HYAL1: variants seen among roughly 807,000 people sequenced by gnomAD.
HYAL1 encodes hyaluronidase 1, also known as hyaluronidase-1.
In HYAL1, 21 loss-of-function variants were observed where a neutral mutation model predicts 28.8. That is an observed-to-expected ratio of 0.73 (90% CI 0.52 to 1.05). The LOEUF is 1.05. Ranked by LOEUF, HYAL1 falls within the 50% of genes least tolerant of loss-of-function variation. HYAL1 has a pLI of 0.00. For synonymous variants in HYAL1, 200 were observed against 230.1 expected, an observed-to-expected ratio of 0.87 and a Z score of 1.18; for missense variants, 491 against 579.2, an observed-to-expected ratio of 0.85 and a Z score of 1.56.
upstream of HYAL1, among the ~76,000 whole-genome samples, chr3:50,305,190 C>T (rs79145265): frequency 0.053 from 8,141 of 152,204 alleles, 1,544 homozygotes; most frequent in East Asian, 0.6. Flanking sequence ...AGTGGGGGGC[C>T]GTGCTTTGAG....
exon 1 of HYAL1, chr3:50,312,353 G>T (rs1158904120): frequency 5.8e-6 from 1 of 173,132 alleles, no homozygotes; most frequent in African/African-American, 2.4e-5. Context: ...CCCGGACGGG[G>T]CGACAGGGCA....
At chr3:50,307,185 C>T (rs1268188113), upstream of HYAL1, among the ~76,000 whole-genome samples, 2 of 149,132 alleles carry the variant, frequency 1.3e-5, no homozygotes, top group African/African-American at 2.5e-5. Flanking sequence ...GCCAACATGG[C>T]GAAACCCTGT....
At chr3:50,304,917 G>A (rs1389034980), upstream of HYAL1, among the ~76,000 whole-genome samples, 3 of 152,222 alleles carry the variant, frequency 2.0e-5, no homozygotes, top group African/African-American at 7.2e-5. Context: ...GTGTGACCAT[G>A]CATATGAGCT....
rs587657549 is a variant in HYAL1, at chr3:50,310,294, C to T, written c.-309-517G>A. ...TTTTTTTTTTTTTTGAGACAGAGTC[C>T]CGCTCTGTCACTCAGGCTGGAGTGC... On this transcript the variant is annotated intron_variant, in intron 1 of 5. Coordinates refer to the HYAL1 transcript ENST00000320295. Among the ~76,000 whole-genome samples the T allele has an allele frequency of 5.7e-3, 838 of 145,946 alleles. 33 individuals are homozygous for T. Among genetic ancestry groups the T allele is most frequent in the African/African-American group, 0.021 (791 of 38,050 alleles).
intron 1 of HYAL1, among the ~76,000 whole-genome samples, chr3:50,311,387 C>T (rs868908648): frequency 2.9e-5 from 4 of 135,762 alleles, no homozygotes; most frequent in South Asian, 2.4e-4. Flanking sequence ...CCAGTAGGGG[C>T]GGCCGGGCAG....
chr3:50,302,620 T>G lies in HYAL1; in HGVS notation c.337A>C (p.Ile113Leu). The change falls in exon 2 of 4, where the codon ATC (isoleucine) becomes CTC (leucine). Residue 113 changes from isoleucine to leucine, a missense_variant. Ile to Leu is a conservative substitution (Grantham distance 5). Transcript: ENST00000395144. The surrounding 1 kb of genome is among the most constrained non-coding windows in gnomAD (Gnocchi z 5.0). ...IAHLARTFQD[I>L]LAAIPAPDFS... ...TCAGGAGCAGGTATGGCAGCCAGGA[T>G]GTCCTGGAATGTGCGGGCCAGGTGG... 2 of 1,614,150 alleles carry G rather than the reference T, an allele frequency of 1.2e-6. No homozygotes were observed. Among genetic ancestry groups the G allele is most frequent in the South Asian group, 2.2e-5 (2 of 91,088 alleles).
Position 50,302,642 on chromosome 3 carries a change from G to C in HYAL1, c.315C>G (p.His105Gln), listed in dbSNP as rs368883708. ...GGATGTCCTGGAATGTGCGGGCCAG[G>C]TGGGCAATCAGGCTGGCATTCTGGG... ...GLPQNASLIA[H>Q]LARTFQDILA... Residue 105 changes from histidine to glutamine, a missense_variant, in exon 2 of 4, where the codon CAC becomes CAG. Coordinates refer to ENST00000395144, the MANE Select transcript of HYAL1 (RefSeq NM_033159.4). The surrounding 1 kb of genome is among the most constrained non-coding windows in gnomAD (Gnocchi z 5.0). 2.0e-5 allele frequency: 33 copies of C among 1,614,074 alleles called. No homozygotes were observed. The highest frequency in any genetic ancestry group is 2.0e-4 in the Admixed American group (12 of 60,014).
chr3:50,302,029 C>T lies in HYAL1; in HGVS notation c.900+28G>A. The T allele has an allele frequency of 6.2e-7, 1 of 1,612,716 alleles. No individual in the cohort carries two copies. The highest frequency in any genetic ancestry group is 1.3e-5 in the African/African-American group (1 of 74,950). On this transcript the variant is annotated intron_variant, in intron 2 of 3. Coordinates refer to ENST00000395144, the MANE Select transcript of HYAL1 (RefSeq NM_033159.4). This position sits in a 1 kb window ranked among gnomAD's most constrained non-coding sequence, Gnocchi z 5.0. Reference sequence around the variant, plus strand: ...CCTAATATCTGACAAGGCAGGTTGACAAGGTGGGCAGGTTACAGAAGACTC... The same window carrying T: ...CCTAATATCTGACAAGGCAGGTTGATAAGGTGGGCAGGTTACAGAAGACTC...
Position 50,310,501 on chromosome 3 carries a change from C to G in HYAL1, c.-309-724G>C, listed in dbSNP as rs188143858. ...CAGAATGGTCTCGATCTCCTGACCTCGTGATCTGCCCGCCTCGGCCTCCCA... is the reference window on the plus strand; with the variant it reads ...CAGAATGGTCTCGATCTCCTGACCTGGTGATCTGCCCGCCTCGGCCTCCCA... On this transcript the variant is annotated intron_variant, in intron 1 of 5. Coordinates refer to the HYAL1 transcript ENST00000320295. 1.4e-5 allele frequency among the ~76,000 whole-genome samples: 2 copies of G among 145,596 alleles called. 1 individual carries two copies. Among genetic ancestry groups the G allele is most frequent in the African/African-American group, 5.6e-5 (2 of 35,600 alleles).
At chr3:50,304,463 T>C (rs1266419045), upstream of HYAL1, among the ~76,000 whole-genome samples, 1 of 149,472 alleles carries the variant, frequency 6.7e-6, no homozygotes, top group Non-Finnish European at 1.5e-5. Flanking sequence ...TAGCTGGGCA[T>C]GGTGGTATGT....
upstream of HYAL1, among the ~76,000 whole-genome samples, chr3:50,307,584 G>A (rs1247762861): frequency 1.1e-4 from 15 of 139,734 alleles, no homozygotes; most frequent in African/African-American, 1.7e-4. Context: ...GGGAGGCTGA[G>A]GCAGGAGAAT....
Position 50,302,413 on chromosome 3 carries a change from A to C in HYAL1, c.544T>G (p.Trp182Gly), listed in dbSNP as rs1288013429. ...CCCAGCTGGAGGGTGCCTGCCATCC[A>C]GGCCCGTGCAGCTCCCTGGAACTGG... ...QDQFQGAARA[W>G]MAGTLQLGRA... The change falls in exon 2 of 4, where the codon TGG becomes GGG. Residue 182 changes from tryptophan to glycine, a missense_variant. Transcript: ENST00000395144. The surrounding 1 kb of genome is among the most constrained non-coding windows in gnomAD (Gnocchi z 5.0). 8 of 1,613,776 alleles carry C rather than the reference A, an allele frequency of 5.0e-6. No homozygotes were observed. Among genetic ancestry groups the C allele is most frequent in the Non-Finnish European group, 6.8e-6 (8 of 1,179,928 alleles).
At chr3:50,307,174 G>A (rs1430800367), upstream of HYAL1, among the ~76,000 whole-genome samples, 6 of 150,332 alleles carry the variant, frequency 4.0e-5, no homozygotes, top group African/African-American at 1.5e-4. Context: ...AAACCAACCT[G>A]GCCAACATGG....
chr3:50,303,041 G>GCCCCCCAGCCCTGAGCA, intron 1 of HYAL1, 61 bp from the exon 2 acceptor site: 1 of 1,284,348 alleles, frequency 7.8e-7, no homozygotes, highest in Non-Finnish European at 1.1e-6. Flanking sequence ...CCACTGCTCA[G>GCCCCCCAGCCCTGAGCA]GGCTGGGGGG....
intron 1 of HYAL1, 160 bp from the exon 2 acceptor site, chr3:50,303,140 A>AG: frequency 1.7e-6 from 1 of 600,794 alleles, no homozygotes. Context: ...AGACGCATGG[A>AG]GGGGAGCATG....
In HYAL1 at chr3:50,300,163, T is replaced by C. The variant is rs1163351602; in HGVS notation, c.*320A>G. The C allele has an allele frequency of 4.9e-6, 2 of 412,208 alleles. No homozygotes were observed. Among genetic ancestry groups the C allele is most frequent in the African/African-American group, 4.0e-5 (2 of 49,578 alleles). 25.5% of individuals were successfully genotyped at this position (412,208 alleles called of 1,614,324 possible). On this transcript the variant is annotated 3_prime_UTR_variant, in exon 4 of 4. Transcript: ENST00000395144. ...GCTTAGCACGGGGATTGGCAAAGAG[T>C]AGGCACTCAGTGAATGTCAGCCTTT... is the stretch of plus-strand genomic sequence containing the variant.
intron 1 of HYAL1, chr3:50,303,217 C>A: frequency 2.4e-6 from 1 of 415,406 alleles, no homozygotes; most frequent in Non-Finnish European, 4.3e-6. Flanking sequence ...AGGACTTGCT[C>A]TAGCCTAAGC....
chr3:50,311,908 C>CACCTCACGGATGGGGTGGCTGGCCGGG (rs587655929), intron 1 of HYAL1, among the ~76,000 whole-genome samples: 1 of 148,500 alleles, frequency 6.7e-6, no homozygotes, highest in African/African-American at 2.5e-5. Context: ...ATCCCCCCTC[C>CACCTCACGGATGGGGTGGCTGGCCGGG]CCTCACGGAT....
chr3:50,302,775 T>G lies in HYAL1; in HGVS notation c.182A>C (p.Asn61Thr). Residue 61 changes from asparagine to threonine, a missense_variant, in exon 2 of 4, where the codon AAC becomes ACC. By Grantham distance (65) the Asn-to-Thr change is moderately conservative. Transcript: ENST00000395144. This position sits in a 1 kb window ranked among gnomAD's most constrained non-coding sequence, Gnocchi z 5.0. ...VDVSVFDVVA[N>T]PGQTFRGPDM... ...AGGGCCGCGGAAGGTCTGCCCTGGG[T>G]TGGCTACCACATCGAAGACACTGAC... 1 of 1,613,994 alleles carries G rather than the reference T, an allele frequency of 6.2e-7. No individual in the cohort carries two copies.
Sources: allele counts gnomAD v4.1 joint callset (sites outside exome capture counted in the v4.1 genomes callset), GRCh38; gene constraint gnomAD v4.1.1; non-coding constraint Gnocchi (gnomAD v3.1); transcripts MANE v1.5; gene names NCBI Gene and HGNC (gene_info 2026-07-23, HGNC 2026-07-21).